Variants in WDPCP observed in about 807,000 individuals in gnomAD.
The protein encoded by WDPCP is WD repeat-containing and planar cell polarity effector protein fritz homolog.
Under a neutral mutation model 93.1 loss-of-function variants are expected in WDPCP, and 71 were observed. The ratio of observed to expected loss-of-function variants is 0.76; its 90% confidence interval spans 0.63 to 0.93. WDPCP has a LOEUF of 0.93. WDPCP is among the 40% of genes least tolerant of loss of function. WDPCP has a pLI of 0.00. For synonymous variants in WDPCP, 315 were observed against 315.0 expected (o/e 1.00, Z 0.00); for missense variants, 844 against 887.4 (o/e 0.95, Z 0.62).
chr2:63,602,679 C>A (rs1003647438), intron 3 of WDPCP, among the ~76,000 whole-genome samples: 15 of 152,102 alleles, frequency 9.9e-5, no homozygotes, highest in African/African-American at 3.6e-4. Flanking sequence ...CCTTCATACT[C>A]TCCCTTATGG....
intron 2 of WDPCP, among the ~76,000 whole-genome samples, chr2:63,754,728 T>C (rs1402852399): frequency 2.6e-5 from 4 of 152,208 alleles, no homozygotes; most frequent in African/African-American, 9.6e-5. Flanking sequence ...AGCTCTGCAA[T>C]CTTCAAGACA....
chr2:63,405,536 T>A (rs1267822224), intron 9 of WDPCP, among the ~76,000 whole-genome samples: 2 of 46,696 alleles, frequency 4.3e-5, no homozygotes, highest in Admixed American at 2.4e-4. Flanking sequence ...TGGTATAGTG[T>A]GTGTGTGTGT....
At position 63,606,898 on chromosome 2, in the gene WDPCP, A is replaced by C. The variant is rs1558864677; in HGVS notation, n.488+43761T>G. ...GAAGTTTGTTGAAGGTCTCCCTATTAATGATTTCTCACGTGAGAAGATGGA... is the reference window on the plus strand; with the variant it reads ...GAAGTTTGTTGAAGGTCTCCCTATTCATGATTTCTCACGTGAGAAGATGGA... On this transcript the variant is annotated intron_variant and non_coding_transcript_variant, in intron 3 of 4. Transcript: ENST00000467687. 6 of 1,611,762 alleles carry C rather than the reference A, an allele frequency of 3.7e-6. No homozygotes were observed. In the Admixed American group the frequency reaches 5.0e-5, roughly 13 times the overall value.
At position 63,148,460 on chromosome 2, in the gene WDPCP, C is replaced by T. The variant is rs141276375; in HGVS notation, c.2190+4454G>A. ...GTTGAAACGATTCTTGTGTCTCAGT[C>T]TCCCGAGTAGCTGGGATTACAGGCG... On this transcript the variant is annotated intron_variant, in intron 17 of 17. Coordinates refer to ENST00000272321, the MANE Select transcript of WDPCP (RefSeq NM_015910.7). Among the ~76,000 whole-genome samples the T allele has an allele frequency of 4.4e-3, 670 of 152,284 alleles. 19 individuals carry two copies. Among genetic ancestry groups the T allele is most frequent in the East Asian group, 0.011 (55 of 5,164 alleles).
intron 17 of WDPCP, among the ~76,000 whole-genome samples, chr2:63,126,548 A>C (rs936904467): frequency 2.0e-5 from 3 of 152,192 alleles, no homozygotes; most frequent in African/African-American, 7.2e-5. Flanking sequence ...GATGCTTCTC[A>C]AAGTAAACCT....
chr2:63,427,382 C>G (rs982054911), intron 9 of WDPCP, among the ~76,000 whole-genome samples: 2 of 152,050 alleles, frequency 1.3e-5, no homozygotes, highest in African/African-American at 4.8e-5. Context: ...AAAATCATAC[C>G]AACTATACAC....
At chr2:63,570,724 TTTAA>T (rs1221087991) in intron 1 of WDPCP, among the ~76,000 whole-genome samples, 5 of 152,216 alleles carry the variant, frequency 3.3e-5, no homozygotes, top group African/African-American at 1.2e-4. Context: ...TGACAAATAC[TTTAA>T]TTTAGTTTAT....
intron 1 of WDPCP, among the ~76,000 whole-genome samples, chr2:63,507,525 C>A (rs1429426447): frequency 1.3e-5 from 2 of 151,694 alleles, no homozygotes. Flanking sequence ...ATGAAATAAA[C>A]CCAAGAAGGC....
intron 1 of WDPCP, among the ~76,000 whole-genome samples, chr2:63,563,058 C>T (rs1456955038): frequency 1.3e-5 from 2 of 152,046 alleles, no homozygotes; most frequent in African/African-American, 2.4e-5. Flanking sequence ...AATACACACA[C>T]ACATACATAC....
chr2:63,418,791 A>G (rs1695619041), intron 9 of WDPCP, among the ~76,000 whole-genome samples: 1 of 152,330 alleles, frequency 6.6e-6, no homozygotes, highest in East Asian at 1.9e-4. Flanking sequence ...TGAAAGTCTA[A>G]AAATCTAAAG....
At chr2:63,824,142 T>C (rs764597419) in intron 1 of WDPCP, among the ~76,000 whole-genome samples, 6 of 152,050 alleles carry the variant, frequency 3.9e-5, no homozygotes, top group Non-Finnish European at 5.9e-5. Context: ...GTTCTCATGA[T>C]AGTGAGTTTT....
chr2:63,738,847 C>A (rs185847157), intron 2 of WDPCP, among the ~76,000 whole-genome samples: 2 of 152,102 alleles, frequency 1.3e-5, no homozygotes, highest in African/African-American at 4.8e-5. Context: ...AGAAAGAGAT[C>A]ATTACCAGCT....
At chr2:63,707,986 A>T (rs1259344461) in intron 2 of WDPCP, among the ~76,000 whole-genome samples, 1 of 152,014 alleles carries the variant, frequency 6.6e-6, no homozygotes, top group Non-Finnish European at 1.5e-5. Flanking sequence ...GTTCCTCTGG[A>T]AGTTTTGTCT....
intron 14 of WDPCP, among the ~76,000 whole-genome samples, chr2:63,215,613 G>GA (rs576808823): frequency 2.0e-5 from 3 of 152,292 alleles, no homozygotes; most frequent in African/African-American, 7.2e-5. Context: ...AACCCTAGAA[G>GA]AAAACCTAGG....
In WDPCP at chr2:63,459,499, T is replaced by C. The variant is rs373425362; in HGVS notation, c.385-19628A>G. 1.2e-4 allele frequency among the ~76,000 whole-genome samples: 18 copies of C among 152,206 alleles called. 1 individual carries two copies. The highest frequency in any genetic ancestry group is 1.2e-3 in the East Asian group (6 of 5,206). On this transcript the variant is annotated intron_variant, in intron 6 of 17. Coordinates refer to ENST00000272321, the MANE Select transcript of WDPCP (RefSeq NM_015910.7). ...TGATTTCATCTCACCCCAGTTAGAA[T>C]GGCTATTATTTAAAAGACAAAAAAT...
chr2:63,789,366 G>T (rs1172768934), intron 2 of WDPCP, among the ~76,000 whole-genome samples: 1 of 152,040 alleles, frequency 6.6e-6, no homozygotes, highest in Non-Finnish European at 1.5e-5. Flanking sequence ...ACAAAACCTG[G>T]GTCTGCCTTT....
chr2:63,430,337 T>G lies in WDPCP; in HGVS notation c.825+3408A>C, dbSNP rs373339373. Among the ~76,000 whole-genome samples, 22 of 152,240 alleles carry G rather than the reference T, an allele frequency of 1.4e-4. No homozygotes were observed. The East Asian group carries it at 2.3e-3, about 16-fold the overall frequency. ...AACCACAGCAACCTGCAATATACCT[T>G]TGTTAACAAGCCTGCACAAGTACCT... On this transcript the variant is annotated intron_variant, in intron 9 of 17. Transcript: ENST00000272321.
intron 12 of WDPCP, among the ~76,000 whole-genome samples, chr2:63,329,752 C>G (rs1462468946): frequency 6.6e-6 from 1 of 152,028 alleles, no homozygotes; most frequent in African/African-American, 2.4e-5. Context: ...TCCAGAATGC[C>G]TCATTTCCCT....
intron 14 of WDPCP, among the ~76,000 whole-genome samples, chr2:63,186,321 C>T (rs1241805647): frequency 6.6e-6 from 1 of 152,200 alleles, no homozygotes; most frequent in African/African-American, 2.4e-5. Context: ...GAATGCACTC[C>T]ACAACCACCA....
Sources: allele counts gnomAD v4.1 joint callset (sites outside exome capture counted in the v4.1 genomes callset), GRCh38; gene constraint gnomAD v4.1.1; transcripts MANE v1.5; gene names NCBI Gene and HGNC (gene_info 2026-07-23, HGNC 2026-07-21).